Variants in MACF1 observed in about 807,000 individuals in gnomAD.
The protein encoded by MACF1 is microtubule-actin cross-linking factor 1.
A neutral mutation model predicts 854.8 loss-of-function variants in MACF1; 193 were observed. That is an observed-to-expected ratio of 0.23 (90% confidence interval 0.20 to 0.25). The LOEUF is 0.25. MACF1 is among the 10% of genes least tolerant of loss of function. The pLI, the probability that MACF1 is intolerant of heterozygous loss-of-function variation, is 1.00. For missense variants in MACF1, 7,722 were observed against 8,929.1 expected, an observed-to-expected ratio of 0.86 and a Z score of 5.45; for synonymous variants, 3,185 against 3,226.7, an observed-to-expected ratio of 0.99 and a Z score of 0.44.
intron 18 of MACF1, 22 bp downstream of exon 18, chr1:39,293,641 G>A (rs141520393): frequency 6.2e-7 from 1 of 1,600,666 alleles, no homozygotes; most frequent in Non-Finnish European, 8.5e-7. Flanking sequence ...ACAGTAGCAG[G>A]CCTGTCATAC....
chr1:39,091,884 G>A (rs547929775), intron 2 of MACF1, among the ~76,000 whole-genome samples: 1 of 152,180 alleles, frequency 6.6e-6, no homozygotes, highest in South Asian at 2.1e-4. Flanking sequence ...TTATCCCCTT[G>A]CTTATTCACT....
At chr1:39,331,172 C>CTTTTTTTTT (rs71060310) in intron 36 of MACF1, 31 bp from the exon 37 acceptor site, 5 of 1,302,972 alleles carry the variant, frequency 3.8e-6, no homozygotes, top group African/African-American at 4.1e-5. Context: ...TTCTCTTTTC[C>CTTTTTTTTT]TTTTTTTTTT....
At chr1:39,273,088 T>G (rs1307737893) in intron 6 of MACF1, among the ~76,000 whole-genome samples, 1 of 151,944 alleles carries the variant, frequency 6.6e-6, no homozygotes, top group Non-Finnish European at 1.5e-5. Context: ...CCTGCCCACC[T>G]TGTTAGCGAA....
chr1:39,482,691 A>C (rs1436124293), intron 99 of MACF1, among the ~76,000 whole-genome samples: 1 of 149,928 alleles, frequency 6.7e-6, no homozygotes, highest in Admixed American at 6.7e-5. Flanking sequence ...GCTACATGGG[A>C]GGCTGAGGCA....
chr1:39,478,806 T>G (rs1052072589), intron 97 of MACF1, among the ~76,000 whole-genome samples: 1 of 152,228 alleles, frequency 6.6e-6, no homozygotes, highest in Non-Finnish European at 1.5e-5. Context: ...AATATTTTGT[T>G]CATAATGATT....
chr1:39,338,086 C>T (rs1244446846), intron 38 of MACF1, among the ~76,000 whole-genome samples: 4 of 151,974 alleles, frequency 2.6e-5, no homozygotes, highest in Non-Finnish European at 4.4e-5. Flanking sequence ...TTGTTATCTG[C>T]GTGGTTTTGG....
chr1:39,422,957 A>G, intron 60 of MACF1, 57 bp downstream of exon 60: 9 of 1,495,848 alleles, frequency 6.0e-6, no homozygotes, highest in Non-Finnish European at 8.3e-6. Context: ...AGTAGACAAC[A>G]CATTTGCTTA....
At chr1:39,154,629 G>C (rs555082264) in intron 2 of MACF1, among the ~76,000 whole-genome samples, 193 of 152,250 alleles carry the variant, frequency 1.3e-3, no homozygotes, top group African/African-American at 4.6e-3. Context: ...CTTTCTCCTC[G>C]ATAGTAACTG....
rs750735423 is a variant in MACF1, at chr1:39,437,754, G to T, written c.17989-23G>T. On this transcript the variant is annotated intron_variant, in intron 70 of 100. Transcript: ENST00000564288. ...AAGAGTGATGAGGTATGCTGTGATG[G>T]TAATGTTCCAACATTTGTTTAGTTT... 19 of 1,518,792 alleles carry T rather than the reference G, an allele frequency of 1.3e-5. No individual in the cohort carries two copies. The Admixed American group carries it at 2.2e-4, about 17-fold the overall frequency. 94.1% of individuals were successfully genotyped at this position (1,518,792 alleles called of 1,614,324 possible).
intron 2 of MACF1, among the ~76,000 whole-genome samples, chr1:39,244,633 A>C (rs1030523229): frequency 1.3e-5 from 2 of 149,632 alleles, no homozygotes; most frequent in African/African-American, 5.0e-5. Context: ...GCTGAAGTGC[A>C]GTGGCGCCAT....
At position 39,428,252 on chromosome 1, in the gene MACF1, C is replaced by T. The variant is rs547222791; in HGVS notation, c.16768C>T (p.Gln5590Ter). The T allele has an allele frequency of 6.2e-7, 1 of 1,613,450 alleles. No individual in the cohort carries two copies. Among genetic ancestry groups the T allele is most frequent in the African/African-American group, 1.3e-5 (1 of 75,064 alleles). The change falls in exon 63 of 101, where the codon CAG becomes TAG. Residue 5590 changes from glutamine (Q) to a stop codon, truncating the protein, a stop_gained. Transcript: ENST00000564288. LOFTEE classifies it high-confidence loss of function. ...TTCAGTGTTCGTAAAGGATTTCAAA[C>T]AGGATGTCCTGCACAGGCAGCATGC... ...LSSVFVKDFK[Q>*]DVLHRQHADH...
chr1:39,172,524 G>T (rs1327903464), intron 2 of MACF1, among the ~76,000 whole-genome samples: 1 of 152,064 alleles, frequency 6.6e-6, no homozygotes, highest in Non-Finnish European at 1.5e-5. Flanking sequence ...GAGCCATGTG[G>T]GGCCTTATTA....
At chr1:39,137,639 T>C (rs1643211506) in intron 2 of MACF1, among the ~76,000 whole-genome samples, 1 of 152,274 alleles carries the variant, frequency 6.6e-6, no homozygotes, top group African/African-American at 2.4e-5. Flanking sequence ...GAGCTGGGAT[T>C]ATAGGCATGA....
rs1642197817 is a variant in MACF1 at position 39,105,286 on chromosome 1, G to A, written c.220+20848G>A. 7 of 519,526 alleles carry A rather than the reference G, an allele frequency of 1.3e-5. No homozygotes were observed. In the South Asian group the frequency reaches 5.8e-4, roughly 43 times the overall value. The allele number at this position is 519,526 out of a possible 1,614,324, so 32.2% of individuals were successfully genotyped here. A position where few individuals can be genotyped will look rare whatever the true frequency, so the allele number is the denominator to read the frequency against. On this transcript the variant is annotated intron_variant, in intron 2 of 93. Coordinates refer to the MACF1 transcript ENST00000361689. The surrounding 1 kb of genome is among the most constrained non-coding windows in gnomAD (Gnocchi z 5.9). ...CCGGAGGCGGCGGGGAGAGGGGGCG[G>A]GGAACGGGCCGGGCCTGGCGCTCCT...
chr1:39,208,668 A>G (rs1182467471), intron 1 of MACF1, among the ~76,000 whole-genome samples: 2 of 152,040 alleles, frequency 1.3e-5, no homozygotes, highest in Non-Finnish European at 2.9e-5. Context: ...CCTGTCGCCC[A>G]GGCTGGCGTG....
chr1:39,380,765 A>G (rs1650109444), intron 55 of MACF1, among the ~76,000 whole-genome samples: 1 of 152,096 alleles, frequency 6.6e-6, no homozygotes, highest in Non-Finnish European at 1.5e-5. Context: ...AAAACAAATT[A>G]GCCAGGTGTG....
At position 39,169,940 on chromosome 1, in the gene MACF1, AT is replaced by A. The variant is rs762278553; in HGVS notation, c.221-61229del. On this transcript the variant is annotated intron_variant, in intron 2 of 93. Coordinates refer to the MACF1 transcript ENST00000361689. ...AGGCACCTGCCACCATGCCCAGCTA[AT>A]TTTTTTTTTTTTGTATTTTTTAGTA... Among the ~76,000 whole-genome samples, 553 of 141,234 alleles carry A rather than the reference AT, an allele frequency of 3.9e-3. 2 individuals are homozygous for A. Among genetic ancestry groups the A allele is most frequent in the African/African-American group, 9.1e-3 (350 of 38,552 alleles). The allele number at this position is 141,234 out of a possible 152,430, so 92.7% of individuals were successfully genotyped here. A position where few individuals can be genotyped will look rare whatever the true frequency, so the allele number is the denominator to read the frequency against.
intron 2 of MACF1, among the ~76,000 whole-genome samples, chr1:39,118,992 A>G (rs1227064130): frequency 6.6e-6 from 1 of 152,164 alleles, no homozygotes; most frequent in African/African-American, 2.4e-5. Context: ...AGAAATTGGA[A>G]AACTAAATGG....
At chr1:39,414,324 AGAAG>A in intron 58 of MACF1, 1 of 1,614,002 alleles carries the variant, frequency 6.2e-7, no homozygotes, top group Non-Finnish European at 8.5e-7. Context: ...CTATTTCAGA[AGAAG>A]GAACACCTGT....
Sources: allele counts gnomAD v4.1 joint callset (sites outside exome capture counted in the v4.1 genomes callset), GRCh38; gene constraint gnomAD v4.1.1; non-coding constraint Gnocchi (gnomAD v3.1); transcripts MANE v1.5; gene names NCBI Gene and HGNC (gene_info 2026-07-23, HGNC 2026-07-21).